EIF4EBP1: variants seen among roughly 807,000 people sequenced by gnomAD.
The protein encoded by EIF4EBP1 is eukaryotic translation initiation factor 4E binding protein 1.
EIF4EBP1 carries 5 observed loss-of-function variants against 9.2 expected under a neutral mutation model. That is an observed-to-expected ratio of 0.54 (90% CI 0.28 to 1.14). The LOEUF is 1.14. Ranked by LOEUF, EIF4EBP1 falls within the 50% of genes most tolerant of loss-of-function variation. EIF4EBP1 has a pLI of 0.09. For missense variants in EIF4EBP1, 139 were observed against 169.6 expected (o/e 0.82, Z 1.00); for synonymous variants, 62 against 67.0 (o/e 0.93, Z 0.36).
At chr8:38,036,847 G>A (rs149684247) in intron 1 of EIF4EBP1, among the ~76,000 whole-genome samples, 5 of 151,790 alleles carry the variant, frequency 3.3e-5, no homozygotes, top group Non-Finnish European at 4.4e-5. Context: ...ATGAGGTTTC[G>A]CCATGTTGCC....
intron 1 of EIF4EBP1, among the ~76,000 whole-genome samples, chr8:38,034,642 C>A (rs116803314): frequency 4.2e-4 from 64 of 152,296 alleles, no homozygotes; most frequent in African/African-American, 1.4e-3. Flanking sequence ...TGCCAAAGAC[C>A]CGTACCTGGA....
At chr8:38,034,828 C>T (rs1809276759) in intron 1 of EIF4EBP1, among the ~76,000 whole-genome samples, 1 of 152,206 alleles carries the variant, frequency 6.6e-6, no homozygotes, top group Non-Finnish European at 1.5e-5. Flanking sequence ...AGCCAGAGCA[C>T]AGCCCATGTC....
At position 38,059,908 on chromosome 8, in the gene EIF4EBP1, A is replaced by G; in HGVS notation, c.330A>G (p.Glu110=). 7.0e-7 allele frequency: 1 copy of G among 1,426,620 alleles called. No homozygotes were observed. Among genetic ancestry groups the G allele is most frequent in the Non-Finnish European group, 9.2e-7 (1 of 1,087,032 alleles). The allele number at this position is 1,426,620 out of a possible 1,614,324, so 88.4% of individuals were successfully genotyped here. ...CTCTGTCCCCTCTCTCCCCAGGTGA[A>G]GAGTCACAGTTTGAGATGGACATTT... ...NSPEDKRAGG[E]ESQFEMDI is the part of the protein sequence containing the mutation. The change falls in exon 3 of 3, where the codon GAA becomes GAG. Residue 110 remains glutamate (E), a synonymous_variant. Coordinates refer to ENST00000338825, the MANE Select transcript of EIF4EBP1 (RefSeq NM_004095.4).
At chr8:38,052,364 G>C (rs923717292) in intron 1 of EIF4EBP1, among the ~76,000 whole-genome samples, 1 of 149,558 alleles carries the variant, frequency 6.7e-6, no homozygotes, top group Non-Finnish European at 1.5e-5. Context: ...AGGCTCAAGC[G>C]ATCCTCCCAT....
At chr8:38,057,027 A>C (rs1809604917) in intron 1 of EIF4EBP1, 54 bp from the exon 2 acceptor site, 2 of 1,593,786 alleles carry the variant, frequency 1.3e-6, no homozygotes, top group Admixed American at 3.4e-5. Flanking sequence ...AAGTGGAAAA[A>C]CCGGCAGGCA....
chr8:38,056,663 C>CTTTT (rs575250125), intron 1 of EIF4EBP1, among the ~76,000 whole-genome samples: 1 of 130,772 alleles, frequency 7.6e-6, no homozygotes, highest in Non-Finnish European at 1.7e-5. Flanking sequence ...ACTACTCTGG[C>CTTTT]TTTTTTTTTT....
chr8:38,042,782 G>C (rs1018611232), intron 1 of EIF4EBP1, among the ~76,000 whole-genome samples: 3 of 152,176 alleles, frequency 2.0e-5, no homozygotes, highest in African/African-American at 7.2e-5. Context: ...TTTGGGGGCA[G>C]GCCGAGCATG....
chr8:38,036,744 G>T (rs1436597665), intron 1 of EIF4EBP1, among the ~76,000 whole-genome samples: 1 of 151,684 alleles, frequency 6.6e-6, no homozygotes, highest in African/African-American at 2.4e-5. Flanking sequence ...AACCTCCTGG[G>T]CTCAAGCAAT....
At chr8:38,034,194 G>A (rs1410608547) in intron 1 of EIF4EBP1, among the ~76,000 whole-genome samples, 5 of 152,014 alleles carry the variant, frequency 3.3e-5, no homozygotes, top group African/African-American at 7.2e-5. Context: ...CTATAGGCAC[G>A]TGCCACCATG....
At chr8:38,054,859 C>T (rs1809574967) in intron 1 of EIF4EBP1, among the ~76,000 whole-genome samples, 2 of 152,164 alleles carry the variant, frequency 1.3e-5, no homozygotes, top group African/African-American at 2.4e-5. Flanking sequence ...GTGCATGGGT[C>T]TTTATTTTAC....
intron 1 of EIF4EBP1, among the ~76,000 whole-genome samples, chr8:38,035,717 T>C (rs894340615): frequency 6.6e-6 from 1 of 151,466 alleles, no homozygotes; most frequent in African/African-American, 2.4e-5. Context: ...TTATTTATTA[T>C]TATTTTCCTC....
chr8:38,040,603 TG>T (rs1228590557), intron 1 of EIF4EBP1, among the ~76,000 whole-genome samples: 1 of 152,222 alleles, frequency 6.6e-6, no homozygotes, highest in East Asian at 1.9e-4. Flanking sequence ...TGGACTGTCC[TG>T]GGGTGGAAGC....
At chr8:38,050,353 A>T (rs367585506) in intron 1 of EIF4EBP1, among the ~76,000 whole-genome samples, 16 of 152,114 alleles carry the variant, frequency 1.1e-4, no homozygotes, top group African/African-American at 2.7e-4. Context: ...TAAATTTTTT[A>T]AAATTTAGTT....
Position 38,059,975 on chromosome 8 carries a change from C to G in EIF4EBP1, c.*40C>G. On this transcript the variant is annotated 3_prime_UTR_variant, in exon 3 of 3. Coordinates refer to ENST00000338825, the MANE Select transcript of EIF4EBP1 (RefSeq NM_004095.4). ...TGTGGAGCACTACCAAGGGGCCCCTCAGGGCCTTCCTGGGAGGAGTCCCAC... is the reference window on the plus strand; with the variant it reads ...TGTGGAGCACTACCAAGGGGCCCCTGAGGGCCTTCCTGGGAGGAGTCCCAC... The G allele has an allele frequency of 6.2e-7, 1 of 1,601,730 alleles. No homozygotes were observed. The highest frequency in any genetic ancestry group is 8.6e-7 in the Non-Finnish European group (1 of 1,168,750).
At position 38,033,791 on chromosome 8, in the gene EIF4EBP1, A is replaced by G. The variant is rs7823174; in HGVS notation, c.145+3073A>G. Reference sequence around the variant, plus strand: ...AGATGGAGTTTCGCTTTGTCGCCCAAGCTGGAGTGCAATGGTGAGATCTTG... The same window carrying G: ...AGATGGAGTTTCGCTTTGTCGCCCAGGCTGGAGTGCAATGGTGAGATCTTG... On this transcript the variant is annotated intron_variant, in intron 1 of 2. Transcript: ENST00000338825. Among the ~76,000 whole-genome samples, 1,015 of 140,704 alleles carry G rather than the reference A, an allele frequency of 7.2e-3. 13 individuals are homozygous for G. Among genetic ancestry groups the G allele is most frequent in the African/African-American group, 0.025 (920 of 37,360 alleles). 92.3% of individuals were successfully genotyped at this position (140,704 alleles called of 152,430 possible).
intron 2 of EIF4EBP1, among the ~76,000 whole-genome samples, 172 bp from the exon 3 acceptor site, chr8:38,059,732 G>A (rs1809644576): frequency 6.6e-6 from 1 of 150,894 alleles, no homozygotes; most frequent in African/African-American, 2.4e-5. Context: ...CTCCAGCCTC[G>A]GAGACAGAGT....
At chr8:38,058,768 G>A (rs1238300342) in intron 2 of EIF4EBP1, among the ~76,000 whole-genome samples, 1 of 152,126 alleles carries the variant, frequency 6.6e-6, no homozygotes, top group Admixed American at 6.6e-5. Flanking sequence ...CAAAAAATAG[G>A]GGCTGTCCCT....
chr8:38,055,594 T>C (rs1442525103), intron 1 of EIF4EBP1, among the ~76,000 whole-genome samples: 1 of 150,986 alleles, frequency 6.6e-6, no homozygotes, highest in East Asian at 1.9e-4. Flanking sequence ...ATTATTTTAT[T>C]ATAGAATCTA....
chr8:38,032,000 CTGGGTCTTT>C (rs1585519549), intron 1 of EIF4EBP1, among the ~76,000 whole-genome samples: 2 of 152,216 alleles, frequency 1.3e-5, no homozygotes, highest in East Asian at 3.8e-4. Flanking sequence ...CTTTCCCTTG[CTGGGTCTTT>C]TGTAGTCCAT....
Sources: gnomAD v4.1 joint callset for allele counts (sites outside exome capture counted in the v4.1 genomes callset) on GRCh38, gnomAD v4.1.1 for gene constraint, MANE v1.5 for transcripts, NCBI Gene and HGNC (gene_info 2026-07-23, HGNC 2026-07-21) for gene names.